PBX1: variants seen among roughly 807,000 people sequenced by gnomAD.
PBX1 encodes the protein pre-B-cell leukemia transcription factor 1.
Under a neutral mutation model 53.4 loss-of-function variants are expected in PBX1, and 6 were observed. The observed-to-expected ratio is 0.11, with a 90% CI of 0.06 to 0.22. The LOEUF is 0.22. Among genes scored for constraint, PBX1 ranks in the 10% least tolerant of loss-of-function variants. The pLI is 1.00. For synonymous variants in PBX1, 204 were observed against 212.3 expected (o/e 0.96, Z 0.34); for missense variants, 251 against 551.4 (o/e 0.46, Z 5.46).
Position 164,692,107 on chromosome 1 carries a change from A to T in PBX1, c.266-100387A>T, listed in dbSNP as rs188725737. ...AACACTTCTGACCCAAGCATTTTGG[A>T]TAAGAGATACTAAACCTGTATACGT... On this transcript the variant is annotated intron_variant, in intron 2 of 8. Transcript: ENST00000420696. Among the ~76,000 whole-genome samples, 5 of 152,300 alleles carry T rather than the reference A, an allele frequency of 3.3e-5. No homozygotes were observed. The East Asian group carries it at 9.7e-4, about 29-fold the overall frequency.
chr1:164,844,975 G>A (rs1030244610), intron 8 of PBX1, among the ~76,000 whole-genome samples: 1 of 152,182 alleles, frequency 6.6e-6, no homozygotes, highest in Non-Finnish European at 1.5e-5. Context: ...GTTAGGAGAT[G>A]GGAGATTGGA....
chr1:164,883,233 A>C (rs565753635), intron 2 of PBX1, among the ~76,000 whole-genome samples: 1 of 152,284 alleles, frequency 6.6e-6, no homozygotes, highest in East Asian at 1.9e-4. Flanking sequence ...ACAAGACCCA[A>C]TTCTATGTAC....
intron 2 of PBX1, among the ~76,000 whole-genome samples, chr1:164,713,017 C>T (rs754400946): frequency 2.0e-5 from 3 of 152,240 alleles, no homozygotes; most frequent in South Asian, 2.1e-4. Context: ...GGTTAGGCTA[C>T]GGGGAAAGGA....
At chr1:164,799,014 G>A (rs1456779913) in intron 3 of PBX1, among the ~76,000 whole-genome samples, 1 of 152,138 alleles carries the variant, frequency 6.6e-6, no homozygotes, top group East Asian at 1.9e-4. Flanking sequence ...GAAATAATGA[G>A]CAAGGCAGAA....
chr1:164,569,523 A>C (rs2101706402), intron 2 of PBX1, among the ~76,000 whole-genome samples: 1 of 152,104 alleles, frequency 6.6e-6, no homozygotes, highest in Middle Eastern at 3.4e-3. Context: ...AAAAGAGACA[A>C]AAATTGCTGA....
chr1:164,694,034 T>C (rs1686185), intron 2 of PBX1, among the ~76,000 whole-genome samples: 35,839 of 152,004 alleles, frequency 0.24, 4,457 homozygotes, highest in East Asian at 0.45. Context: ...GTCACAGAAC[T>C]AGAGAGACTA....
At position 164,849,412 on chromosome 1, in the gene PBX1, A is replaced by G. The variant is rs1158588887; in HGVS notation, c.*2736A>G. 2 of 1,535,438 alleles carry G rather than the reference A, an allele frequency of 1.3e-6. No homozygotes were observed. Among genetic ancestry groups the G allele is most frequent in the East Asian group, 4.9e-5 (2 of 40,904 alleles). On this transcript the variant is annotated 3_prime_UTR_variant, in exon 9 of 9. Coordinates refer to ENST00000420696, the MANE Select transcript of PBX1 (RefSeq NM_002585.4). The stretch of plus-strand genomic sequence containing the variant: ...AACGTGGCATCCGTGAGATCTGTCC[A>G]CATTAGGCGAAGCAGGAGAACACTG...
intron 2 of PBX1, among the ~76,000 whole-genome samples, chr1:164,858,025 A>G (rs1672013885): frequency 6.6e-6 from 1 of 152,120 alleles, no homozygotes; most frequent in Admixed American, 6.6e-5. Context: ...CCTGTTTCCT[A>G]GCTCCATTAT....
chr1:164,684,655 G>T (rs984088703), intron 2 of PBX1: 12 of 152,130 alleles, frequency 7.9e-5, no homozygotes, highest in Admixed American at 7.2e-4. Flanking sequence ...ACTTCCTGAG[G>T]ATAATAAATA....
intron 2 of PBX1, among the ~76,000 whole-genome samples, chr1:164,765,006 G>A (rs1666994433): frequency 1.3e-5 from 2 of 152,074 alleles, no homozygotes; most frequent in Admixed American, 6.6e-5. Context: ...TTCTAGCACT[G>A]GAGGACAGGT....
At chr1:164,884,752 T>A (rs1269787557) in intron 2 of PBX1, among the ~76,000 whole-genome samples, 1 of 152,192 alleles carries the variant, frequency 6.6e-6, no homozygotes, top group African/African-American at 2.4e-5. Flanking sequence ...ATGTTGCAAC[T>A]GGAAGACTGT....
chr1:164,684,093 C>G (rs1240475447), intron 2 of PBX1: 1 of 152,182 alleles, frequency 6.6e-6, no homozygotes, highest in Non-Finnish European at 1.5e-5. Flanking sequence ...ACTGGGATTA[C>G]AAGCATGAGC....
At chr1:164,700,316 C>T (rs1410034117) in intron 2 of PBX1, among the ~76,000 whole-genome samples, 2 of 152,032 alleles carry the variant, frequency 1.3e-5, no homozygotes, top group Non-Finnish European at 2.9e-5. Flanking sequence ...ACGGGACTCC[C>T]GTGGCTGTGT....
intron 2 of PBX1, among the ~76,000 whole-genome samples, chr1:164,611,858 T>TC (rs1197101272): frequency 1.3e-5 from 2 of 152,258 alleles, no homozygotes; most frequent in African/African-American, 4.8e-5. Flanking sequence ...CTAACATTTC[T>TC]CGCATCTCAC....
chr1:164,708,030 G>A (rs1337879703), intron 2 of PBX1, among the ~76,000 whole-genome samples: 1 of 152,204 alleles, frequency 6.6e-6, no homozygotes. Context: ...TTGATGGCCT[G>A]GATTTTGCTT....
At chr1:164,754,272 G>C (rs1666387281) in intron 2 of PBX1, among the ~76,000 whole-genome samples, 1 of 152,146 alleles carries the variant, frequency 6.6e-6, no homozygotes, top group African/African-American at 2.4e-5. Flanking sequence ...TTCTTTTCTT[G>C]AAGCCAGTGC....
intron 2 of PBX1, among the ~76,000 whole-genome samples, chr1:164,595,180 A>G (rs1029916934): frequency 6.6e-5 from 10 of 152,220 alleles, no homozygotes; most frequent in Non-Finnish European, 1.5e-4. Flanking sequence ...TCCTTACTCT[A>G]CAAGAAATGG....
chr1:164,636,905 G>A (rs1425647287), intron 2 of PBX1, among the ~76,000 whole-genome samples: 1 of 152,116 alleles, frequency 6.6e-6, no homozygotes, highest in African/African-American at 2.4e-5. Context: ...TGTAGGATAT[G>A]GTAGGAGGAT....
intron 8 of PBX1, among the ~76,000 whole-genome samples, chr1:164,824,225 C>T (rs566497739): frequency 6.6e-6 from 1 of 152,260 alleles, no homozygotes; most frequent in African/African-American, 2.4e-5. Flanking sequence ...ATTTTAAGCC[C>T]TGTAAAGTTC....
Sources: allele counts gnomAD v4.1 joint callset (sites outside exome capture counted in the v4.1 genomes callset), GRCh38; gene constraint gnomAD v4.1.1; transcripts MANE v1.5; gene names NCBI Gene and HGNC (gene_info 2026-07-23, HGNC 2026-07-21).